Variants in PDE8B observed in about 807,000 individuals in gnomAD.
PDE8B encodes high affinity cAMP-specific and IBMX-insensitive 3',5'-cyclic phosphodiesterase 8B.
In PDE8B, 26 loss-of-function variants were observed where a neutral mutation model predicts 101.3. The observed-to-expected ratio is 0.26, with a 90% confidence interval of 0.19 to 0.36. The LOEUF is 0.36. Ranked by LOEUF, PDE8B falls within the 10% of genes least tolerant of loss-of-function variation. PDE8B has a pLI of 1.00. For synonymous variants in PDE8B, 424 were observed against 429.3 expected, an observed-to-expected ratio of 0.99 and a Z score of 0.15; for missense variants, 810 against 1,163.1, an observed-to-expected ratio of 0.70 and a Z score of 4.42.
intron 1 of PDE8B, chr5:77,291,716 T>G (rs1767388645): frequency 8.2e-6 from 13 of 1,593,640 alleles, no homozygotes; most frequent in Non-Finnish European, 1.0e-5. Context: ...CTGGCAGTGA[T>G]GCCTGGAAAC....
At chr5:77,358,361 A>T (rs1247574949) in intron 10 of PDE8B, 1 of 812,620 alleles carries the variant, frequency 1.2e-6, no homozygotes, top group Admixed American at 6.2e-5. Flanking sequence ...AAATCTTCCA[A>T]ACCTTCCAGC....
intron 1 of PDE8B, among the ~76,000 whole-genome samples, chr5:77,287,254 A>C (rs540765378): frequency 6.6e-6 from 1 of 151,780 alleles, no homozygotes; most frequent in South Asian, 2.1e-4. Flanking sequence ...ATTATTATTG[A>C]AGTATATTTT....
At chr5:77,294,241 G>A (rs1768027611) in intron 1 of PDE8B, among the ~76,000 whole-genome samples, 1 of 152,134 alleles carries the variant, frequency 6.6e-6, no homozygotes, top group South Asian at 2.1e-4. Context: ...TGAGCAGTTA[G>A]GGCCAAACCA....
the PDE8B span, chr5:77,105,198 G>A: frequency 6.6e-6 from 1 of 152,150 alleles, no homozygotes; most frequent in South Asian, 2.1e-4. Flanking sequence ...ATGGACATTT[G>A]GATTGTTTCT....
At chr5:77,421,562 G>T (rs779064763) in intron 19 of PDE8B, among the ~76,000 whole-genome samples, 7 of 151,720 alleles carry the variant, frequency 4.6e-5, no homozygotes, top group Non-Finnish European at 7.4e-5. Context: ...GGGTAGACAG[G>T]TGGTGACAGG....
At chr5:77,219,777 A>T (rs1485527924) in intron 1 of PDE8B, among the ~76,000 whole-genome samples, 2 of 152,122 alleles carry the variant, frequency 1.3e-5, no homozygotes, top group African/African-American at 4.8e-5. Flanking sequence ...AGCCACCAAT[A>T]GTGTTTGGAG....
intron 17 of PDE8B, among the ~76,000 whole-genome samples, chr5:77,415,121 C>T (rs1435879036): frequency 1.3e-5 from 2 of 152,082 alleles, no homozygotes; most frequent in Non-Finnish European, 2.9e-5. Context: ...AACCAGAAAA[C>T]TTAGAGCTGC....
intron 1 of PDE8B, among the ~76,000 whole-genome samples, chr5:77,307,243 A>G (rs576675697): frequency 3.3e-5 from 5 of 152,076 alleles, no homozygotes; most frequent in Non-Finnish European, 7.4e-5. Flanking sequence ...CCCTATGCCT[A>G]GAATCTCCTT....
intron 10 of PDE8B, among the ~76,000 whole-genome samples, chr5:77,395,713 A>G (rs1315839675): frequency 6.6e-6 from 1 of 151,878 alleles, no homozygotes; most frequent in African/African-American, 2.4e-5. Context: ...GTGCCCACGC[A>G]AAAGTCCCTC....
At chr5:77,145,253 G>C in the PDE8B span, 1 of 152,120 alleles carries the variant, frequency 6.6e-6, no homozygotes, top group South Asian at 2.1e-4. Flanking sequence ...GCAAAGTGTT[G>C]AAGGTACCAC....
the PDE8B span, chr5:77,146,871 G>T: frequency 2.8e-6 from 1 of 355,338 alleles, no homozygotes; most frequent in South Asian, 2.9e-5. Flanking sequence ...GGCATTCTTT[G>T]GCTGTTTTCT....
At chr5:77,289,094 C>A (rs531390839) in intron 1 of PDE8B, among the ~76,000 whole-genome samples, 18 of 152,256 alleles carry the variant, frequency 1.2e-4, no homozygotes, top group Admixed American at 7.2e-4. Flanking sequence ...GACACGTCCA[C>A]ACTGAGAGAC....
At chr5:77,177,476 T>A in the PDE8B span, among the ~76,000 whole-genome samples, 15 of 152,244 alleles carry the variant, frequency 9.9e-5, no homozygotes, top group Admixed American at 4.6e-4. Flanking sequence ...TATGTGAATG[T>A]GGTCTCTAGC....
intron 1 of PDE8B, among the ~76,000 whole-genome samples, chr5:77,289,052 C>G (rs934792378): frequency 6.6e-6 from 1 of 152,100 alleles, no homozygotes; most frequent in Non-Finnish European, 1.5e-5. Context: ...TGAATTTTTA[C>G]ATTGCCACTG....
intron 1 of PDE8B, among the ~76,000 whole-genome samples, chr5:77,260,626 TG>T (rs1760370720): frequency 6.8e-6 from 1 of 148,052 alleles, no homozygotes; most frequent in Non-Finnish European, 1.5e-5. Context: ...CTCACTCTGT[TG>T]CCCAGGCTGG....
intron 10 of PDE8B, among the ~76,000 whole-genome samples, chr5:77,373,237 G>C (rs982412255): frequency 1.1e-4 from 17 of 151,870 alleles, no homozygotes; most frequent in African/African-American, 4.1e-4. Flanking sequence ...ATTATTTCCT[G>C]CATCTCTTTT....
rs751915065 is a variant in PDE8B at position 77,413,105 on chromosome 5, T to C, written c.1713-6T>C. 2.5e-6 allele frequency: 4 copies of C among 1,613,498 alleles called. No homozygotes were observed. Among genetic ancestry groups the C allele is most frequent in the Non-Finnish European group, 3.4e-6 (4 of 1,179,518 alleles). ...ATGAGCCAGGGTGGGTTTTCCTATT[T>C]TTCAGGCCATTGGTTTATCTGGGCT... On this transcript the variant is annotated splice_region_variant and splice_polypyrimidine_tract_variant and intron_variant, in intron 16 of 21. Transcript: ENST00000264917.
chr5:77,189,749 G>T, the PDE8B span, among the ~76,000 whole-genome samples: 1 of 152,062 alleles, frequency 6.6e-6, no homozygotes, highest in Non-Finnish European at 1.5e-5. Context: ...GACTGTGGTC[G>T]GCTATAAAGA....
At position 77,421,842 on chromosome 5, in the gene PDE8B, T is replaced by G. The variant is rs780445800; in HGVS notation, c.2272T>G (p.Cys758Gly). 4.3e-6 allele frequency: 7 copies of G among 1,614,032 alleles called. No individual in the cohort carries two copies. Among genetic ancestry groups the G allele is most frequent in the Non-Finnish European group, 5.1e-6 (6 of 1,180,024 alleles). ...AAEIEGSDCE[C>G]NPAGKNFPEN... is the part of the protein sequence containing the mutation. ...CCAGATTGAAGGCAGCGACTGTGAA[T>G]GCAACCCTGCTGGGAAGAACTTCCC... Residue 758 changes from cysteine (C) to glycine (G), a missense_variant, in exon 20 of 22, where the codon TGC becomes GGC. Transcript: ENST00000264917.
Sources: gnomAD v4.1 joint callset for allele counts (sites outside exome capture counted in the v4.1 genomes callset) on GRCh38, gnomAD v4.1.1 for gene constraint, MANE v1.5 for transcripts, NCBI Gene and HGNC (gene_info 2026-07-23, HGNC 2026-07-21) for gene names.